EXOC6B: variants seen among roughly 807,000 people sequenced by gnomAD.
EXOC6B encodes the protein exocyst complex component 6B.
EXOC6B carries 54 observed loss-of-function variants against 113.5 expected under a neutral mutation model. The observed-to-expected ratio is 0.48, with a 90% CI of 0.38 to 0.60. The LOEUF (loss-of-function observed/expected upper bound fraction) is 0.60. EXOC6B is among the 20% of genes least tolerant of loss of function. EXOC6B has a pLI of 0.00. For synonymous variants in EXOC6B, 357 were observed against 339.0 expected (o/e 1.05, Z -0.58); for missense variants, 797 against 977.5 (o/e 0.82, Z 2.46).
At chr2:72,418,523 T>C (rs59684395) in intron 18 of EXOC6B, among the ~76,000 whole-genome samples, 1 of 152,230 alleles carries the variant, frequency 6.6e-6, no homozygotes, top group Non-Finnish European at 1.5e-5. Flanking sequence ...CATTTATAAC[T>C]GTAATCTCCT....
intron 15 of EXOC6B, among the ~76,000 whole-genome samples, chr2:72,495,218 A>G (rs1289437903): frequency 6.6e-6 from 1 of 152,146 alleles, no homozygotes; most frequent in Non-Finnish European, 1.5e-5. Flanking sequence ...AAAGAATAAG[A>G]TAGATAATAT....
At chr2:72,457,367 T>C (rs1277024616) in intron 18 of EXOC6B, among the ~76,000 whole-genome samples, 1 of 152,098 alleles carries the variant, frequency 6.6e-6, no homozygotes, top group South Asian at 2.1e-4. Context: ...TAATTTTCTC[T>C]TAAGGATGAC....
intron 18 of EXOC6B, chr2:72,461,389 G>C (rs1697661976): frequency 6.7e-6 from 1 of 149,802 alleles, no homozygotes; most frequent in Non-Finnish European, 1.5e-5. Flanking sequence ...ATAAACCATG[G>C]AGTATACAAT....
At chr2:72,545,862 C>T (rs984529641) in intron 8 of EXOC6B, among the ~76,000 whole-genome samples, 6 of 152,070 alleles carry the variant, frequency 3.9e-5, no homozygotes, top group Admixed American at 6.6e-5. Context: ...CTGTAATGTT[C>T]AATAGCAACT....
intron 1 of EXOC6B, among the ~76,000 whole-genome samples, chr2:72,810,380 TAA>T (rs1021352592): frequency 6.3e-5 from 9 of 142,024 alleles, no homozygotes; most frequent in Non-Finnish European, 7.7e-5. Context: ...AATAAATAAA[TAA>T]ATAAAATACA....
intron 20 of EXOC6B, among the ~76,000 whole-genome samples, chr2:72,282,484 C>A (rs1444394659): frequency 6.7e-6 from 1 of 149,046 alleles, no homozygotes. Context: ...TTTTAAAAGG[C>A]AGGAAAGGAG....
chr2:72,684,801 C>T (rs1168966635), intron 6 of EXOC6B, among the ~76,000 whole-genome samples: 1 of 151,954 alleles, frequency 6.6e-6, no homozygotes, highest in African/African-American at 2.4e-5. Context: ...AATGGTTGCC[C>T]ATGGGGAGGC....
intron 6 of EXOC6B, among the ~76,000 whole-genome samples, chr2:72,662,170 G>C (rs1264311904): frequency 2.6e-5 from 4 of 151,902 alleles, no homozygotes; most frequent in Non-Finnish European, 5.9e-5. Context: ...AAGAAACCTT[G>C]AACTAAATCT....
At chr2:72,197,507 A>G (rs995402147) in intron 20 of EXOC6B, among the ~76,000 whole-genome samples, 13 of 152,242 alleles carry the variant, frequency 8.5e-5, no homozygotes, top group African/African-American at 2.6e-4. Flanking sequence ...AAAATAATCT[A>G]TATTCCACGG....
rs376505162 is a variant in EXOC6B, at chr2:72,774,253, G to T, written c.114-32784C>A. On this transcript the variant is annotated intron_variant, in intron 1 of 21. Transcript: ENST00000272427. ...GCTACCTCAGTGAAAATATGAACTG[G>T]TAGCAACAGAAAATTCTGCATATGT... Among the ~76,000 whole-genome samples the T allele has an allele frequency of 2.0e-5, 3 of 152,316 alleles. No homozygotes were observed. In the East Asian group the frequency reaches 5.8e-4, roughly 29 times the overall value.
At chr2:72,206,945 G>C (rs1295449955) in intron 20 of EXOC6B, among the ~76,000 whole-genome samples, 1 of 152,202 alleles carries the variant, frequency 6.6e-6, no homozygotes, top group South Asian at 2.1e-4. Context: ...AGCATAATGG[G>C]AAACCATCAT....
intron 19 of EXOC6B, among the ~76,000 whole-genome samples, chr2:72,361,612 A>G (rs1362906531): frequency 6.6e-6 from 1 of 152,206 alleles, no homozygotes; most frequent in Admixed American, 6.5e-5. Flanking sequence ...AGTTATGCCA[A>G]TTGGTAGTTG....
chr2:72,384,082 T>C (rs757529797), intron 18 of EXOC6B, among the ~76,000 whole-genome samples: 50 of 152,208 alleles, frequency 3.3e-4, no homozygotes, highest in Admixed American at 1.4e-3. Context: ...ACATAATCTG[T>C]ACACCAAACC....
At chr2:72,483,954 C>T (rs1483026771) in intron 16 of EXOC6B, among the ~76,000 whole-genome samples, 1 of 152,080 alleles carries the variant, frequency 6.6e-6, no homozygotes, top group Non-Finnish European at 1.5e-5. Context: ...TTGATTATCT[C>T]TTACATAAAG....
intron 20 of EXOC6B, among the ~76,000 whole-genome samples, chr2:72,277,138 C>A (rs772849890): frequency 6.6e-6 from 1 of 152,100 alleles, no homozygotes; most frequent in Non-Finnish European, 1.5e-5. Flanking sequence ...GTTAAGTGCC[C>A]TCCCATAAAA....
At chr2:72,482,426 G>T (rs1056849899) in intron 16 of EXOC6B, among the ~76,000 whole-genome samples, 8 of 151,746 alleles carry the variant, frequency 5.3e-5, no homozygotes, top group African/African-American at 1.9e-4. Context: ...GTGGCAGGTA[G>T]CGGGGAGTTT....
intron 5 of EXOC6B, among the ~76,000 whole-genome samples, chr2:72,719,850 G>T (rs1453287866): frequency 6.6e-6 from 1 of 152,042 alleles, no homozygotes; most frequent in Non-Finnish European, 1.5e-5. Context: ...AAAGAACATG[G>T]GAAATAGTAA....
rs868738602 is a variant in EXOC6B, at chr2:72,637,525, G to A, written c.670-61857C>T. 1.9e-4 allele frequency among the ~76,000 whole-genome samples: 18 copies of A among 93,714 alleles called. No homozygotes were observed. The South Asian group carries it at 4.3e-3, about 22-fold the overall frequency. The allele number at this position is 93,714 out of a possible 152,430, so 61.5% of individuals were successfully genotyped here. A position where few individuals can be genotyped will look rare whatever the true frequency, so the allele number is the denominator to read the frequency against. On this transcript the variant is annotated intron_variant, in intron 6 of 21. Coordinates refer to ENST00000272427, the MANE Select transcript of EXOC6B (RefSeq NM_015189.3). ...ATAGTCTGGCCAGGTGCAGTGGCTC[G>A]CACCTGTAATCCCAGCACTTTGGGA...
intron 6 of EXOC6B, among the ~76,000 whole-genome samples, chr2:72,601,621 T>C (rs1670441537): frequency 6.6e-6 from 1 of 152,124 alleles, no homozygotes; most frequent in African/African-American, 2.4e-5. Flanking sequence ...AACTAAATGA[T>C]CAACCAATGG....
Sources: allele counts gnomAD v4.1 joint callset (sites outside exome capture counted in the v4.1 genomes callset), GRCh38; gene constraint gnomAD v4.1.1; transcripts MANE v1.5; gene names NCBI Gene and HGNC (gene_info 2026-07-23, HGNC 2026-07-21).